DGKH: variants seen among roughly 807,000 people sequenced by gnomAD.
The protein encoded by DGKH is DAG kinase eta.
A neutral mutation model predicts 159.3 loss-of-function variants in DGKH; 90 were observed. The ratio of observed to expected loss-of-function variants is 0.57; its 90% CI spans 0.48 to 0.67. The LOEUF is 0.67. Among genes scored for constraint, DGKH ranks in the 30% least tolerant of loss-of-function variants. The pLI is 0.00. For missense variants in DGKH, 1,181 were observed against 1,506.1 expected, an observed-to-expected ratio of 0.78 and a Z score of 3.57; for synonymous variants, 536 against 553.8, an observed-to-expected ratio of 0.97 and a Z score of 0.45.
At chr13:42,130,230 C>T (rs1384902914) in intron 3 of DGKH, among the ~76,000 whole-genome samples, 1 of 152,202 alleles carries the variant, frequency 6.6e-6, no homozygotes, top group Admixed American at 6.5e-5. Flanking sequence ...ATTTATTTGT[C>T]CTTCTCTGTC....
chr13:42,219,458 C>G, intron 27 of DGKH, 109 bp downstream of exon 27: 1 of 1,448,194 alleles, frequency 6.9e-7, no homozygotes, highest in Non-Finnish European at 9.4e-7. Flanking sequence ...TTGAATACTA[C>G]TTTCAAATGT....
chr13:42,171,680 A>G (rs1276835188), intron 11 of DGKH, among the ~76,000 whole-genome samples: 2 of 152,182 alleles, frequency 1.3e-5, no homozygotes, highest in African/African-American at 2.4e-5. Context: ...GTTTGCTTGC[A>G]TCATACCTAT....
At chr13:42,197,295 C>G (rs1472400409) in intron 17 of DGKH, among the ~76,000 whole-genome samples, 1 of 107,936 alleles carries the variant, frequency 9.3e-6, no homozygotes, top group Non-Finnish European at 2.3e-5. Context: ...ACACTTCCCT[C>G]TAGGGCAGCT....
intron 29 of DGKH, among the ~76,000 whole-genome samples, chr13:42,249,958 CCA>C (rs1491122446): frequency 1.3e-5 from 2 of 151,710 alleles, no homozygotes; most frequent in Non-Finnish European, 2.9e-5. Flanking sequence ...CACTCCAGCT[CCA>C]GTTTTTTTGT....
intron 17 of DGKH, among the ~76,000 whole-genome samples, chr13:42,197,442 A>G (rs553013612): frequency 6.6e-6 from 1 of 152,186 alleles, no homozygotes; most frequent in African/African-American, 2.4e-5. Flanking sequence ...CTATGACATT[A>G]AACGAAAGAA....
intron 26 of DGKH, among the ~76,000 whole-genome samples, chr13:42,216,321 C>T (rs1023789175): frequency 6.6e-6 from 1 of 152,202 alleles, no homozygotes; most frequent in Non-Finnish European, 1.5e-5. Context: ...ACCTAGAGTT[C>T]GGTTGTGGCT....
At chr13:42,068,244 T>C (rs1244240200) in intron 1 of DGKH, among the ~76,000 whole-genome samples, 2 of 152,218 alleles carry the variant, frequency 1.3e-5, no homozygotes, top group Admixed American at 1.3e-4. Context: ...TATAATTAAA[T>C]ACAGAAAATA....
intron 8 of DGKH, 42 bp downstream of exon 8, chr13:42,165,475 T>G: frequency 9.2e-7 from 1 of 1,088,486 alleles, no homozygotes; most frequent in East Asian, 2.7e-5. Context: ...CTGGTATATT[T>G]AACATTGATA....
intron 1 of DGKH, among the ~76,000 whole-genome samples, chr13:42,071,860 C>T (rs903108571): frequency 1.1e-4 from 17 of 152,294 alleles, no homozygotes; most frequent in African/African-American, 3.4e-4. Context: ...CCATGTAACA[C>T]CGACCCGTGA....
At chr13:42,220,565 C>T (rs565365775) in intron 28 of DGKH, among the ~76,000 whole-genome samples, 3 of 152,252 alleles carry the variant, frequency 2.0e-5, no homozygotes, top group African/African-American at 7.2e-5. Context: ...ATTCATAAAG[C>T]AGCTAATGAA....
At position 42,160,040 on chromosome 13, in the gene DGKH, C is replaced by T. The variant is rs9562382; in HGVS notation, c.759C>T (p.Gly253=). The stretch of plus-strand genomic sequence containing the variant: ...CGATGCCTCACCAGTGGCTTGAGGG[C>T]AACCTGCCTGTAAGTGCCAAGTGTG... ...GVAMPHQWLE[G]NLPVSAKCAV... Residue 253 remains glycine, a synonymous_variant, in exon 7 of 30, where the codon GGC becomes GGT. Coordinates refer to ENST00000337343, the MANE Select transcript of DGKH (RefSeq NM_178009.5). 9.6e-4 allele frequency: 1,553 copies of T among 1,614,150 alleles called. 24 individuals are homozygous for T. The East Asian group carries it at 0.027, about 28-fold the overall frequency.
At chr13:42,122,572 G>A (rs1298729209) in intron 1 of DGKH, among the ~76,000 whole-genome samples, 1 of 152,128 alleles carries the variant, frequency 6.6e-6, no homozygotes, top group African/African-American at 2.4e-5. Context: ...ATTCATGCAG[G>A]CAGAGCACTC....
At chr13:42,204,833 G>A (rs1457785341) in intron 20 of DGKH, among the ~76,000 whole-genome samples, 1 of 152,076 alleles carries the variant, frequency 6.6e-6, no homozygotes. Context: ...TTGACATTGA[G>A]ACCTTTTCCT....
chr13:42,069,547 C>T, intron 1 of DGKH: 2 of 1,595,156 alleles, frequency 1.3e-6, no homozygotes, highest in Non-Finnish European at 1.7e-6. Context: ...CCTTTCTTTT[C>T]CAGCCAGTTG....
chr13:42,069,560 G>C, intron 1 of DGKH: 1 of 1,592,630 alleles, frequency 6.3e-7, no homozygotes, highest in Non-Finnish European at 8.6e-7. Context: ...GCCAGTTGCC[G>C]TGATGCTTCC....
upstream of DGKH, among the ~76,000 whole-genome samples, chr13:42,046,918 C>T (rs75773785): frequency 6.2e-3 from 940 of 152,334 alleles, 14 homozygotes; most frequent in African/African-American, 0.022. Context: ...AGACCCTTTA[C>T]TAGGTGTCCT....
intron 1 of DGKH, chr13:42,071,232 G>T (rs1300703537): frequency 1.3e-5 from 5 of 373,522 alleles, no homozygotes; most frequent in South Asian, 3.6e-5. Context: ...ATGGTTTCTT[G>T]ATGTTCATTG....
intron 18 of DGKH, 138 bp from the exon 19 acceptor site, chr13:42,199,428 G>A: frequency 1.8e-6 from 1 of 553,786 alleles, no homozygotes; most frequent in East Asian, 3.2e-5. Flanking sequence ...CATAGGAATA[G>A]GAAGTGATTA....
exon 31 of DGKH, chr13:42,256,483 A>C: frequency 8.2e-7 from 1 of 1,226,494 alleles, no homozygotes. Flanking sequence ...ATCTCACACC[A>C]GAACAGTTTG....
Sources: gnomAD v4.1 joint callset for allele counts (sites outside exome capture counted in the v4.1 genomes callset) on GRCh38, gnomAD v4.1.1 for gene constraint, MANE v1.5 for transcripts, NCBI Gene and HGNC (gene_info 2026-07-23, HGNC 2026-07-21) for gene names.